Variants in FGF13 observed in about 807,000 individuals in gnomAD.
FGF13 encodes the protein fibroblast growth factor homologous factor 2.
In FGF13, 2 loss-of-function variants were observed where a neutral mutation model predicts 19.5. That is an observed-to-expected ratio of 0.10 (90% CI 0.04 to 0.32). The LOEUF (loss-of-function observed/expected upper bound fraction) is 0.32, where lower values mean the gene tolerates loss of function less well. FGF13 is among the 10% of genes least tolerant of loss of function. The probability of loss-of-function intolerance (pLI) is 1.00; values close to 1 mark genes in which losing one functional copy is unlikely to be tolerated. For synonymous variants in FGF13, 72 were observed against 76.9 expected, an observed-to-expected ratio of 0.94 and a Z score of 0.33; for missense variants, 113 against 192.7, an observed-to-expected ratio of 0.59 and a Z score of 2.45.
At chrX:139,002,428 A>G in intron 1 of FGF13, among the ~76,000 whole-genome samples, 2 of 111,707 alleles carry the variant, frequency 1.8e-5, no homozygotes, top group Middle Eastern at 9.3e-3. Flanking sequence ...CGTCAAAAAA[A>G]TAGAAAAGCA....
rs192514490 is a variant in FGF13, at chrX:138,849,288, T to C, written c.217+8224A>G. 5.4e-5 allele frequency among the ~76,000 whole-genome samples: 6 copies of C among 112,065 alleles called. No homozygotes were observed. The East Asian group carries it at 1.4e-3, about 26-fold the overall frequency. ...AAAATCTTTCATATACTCATATGCA[T>C]TGTGACTCTCTAGGAATGGCGTGTA... On this transcript the variant is annotated intron_variant, in intron 3 of 6. Coordinates refer to the FGF13 transcript ENST00000436198.
intron 3 of FGF13, among the ~76,000 whole-genome samples, chrX:138,839,416 G>A (rs2091134849): frequency 1.8e-5 from 2 of 111,733 alleles, no homozygotes; most frequent in African/African-American, 6.5e-5. Context: ...CTATCAAGAT[G>A]ACAGTTTCGG....
At chrX:138,783,803 T>A (rs1184080920) in intron 3 of FGF13, among the ~76,000 whole-genome samples, 3 of 109,896 alleles carry the variant, frequency 2.7e-5, no homozygotes, top group Non-Finnish European at 1.9e-5. Flanking sequence ...GACGCAGCCA[T>A]CCCATTACTG....
rs201140833 is a variant in FGF13, at chrX:138,831,671, C to CT, written c.217+25840dup. Among the ~76,000 whole-genome samples the CT allele has an allele frequency of 6.7e-3, 688 of 103,131 alleles. 11 individuals are homozygous for CT. The highest frequency in any genetic ancestry group is 0.043 in the Admixed American group (412 of 9,509). The allele number at this position is 103,131 out of a possible 115,157, so 89.6% of individuals were successfully genotyped here. The stretch of plus-strand genomic sequence containing the variant: ...TTATTTTTTCCTTGCTATTCCATTT[C>CT]TTTTTTTTTTTAACTTTTATTTTAA... On this transcript the variant is annotated intron_variant, in intron 3 of 6. Transcript: ENST00000436198.
At chrX:138,824,900 C>T (rs1378327502) in intron 3 of FGF13, among the ~76,000 whole-genome samples, 3 of 111,780 alleles carry the variant, frequency 2.7e-5, no homozygotes, top group East Asian at 2.8e-4. Flanking sequence ...TCAATTCGTG[C>T]GTAAGAACAA....
intron 3 of FGF13, among the ~76,000 whole-genome samples, chrX:138,798,759 T>A (rs764585948): frequency 8.9e-6 from 1 of 112,184 alleles, no homozygotes; most frequent in East Asian, 2.8e-4. Flanking sequence ...TATTGGTCTA[T>A]TCAGGGATTC....
In FGF13 at chrX:138,891,555, G is replaced by A. The variant is rs1366128691; in HGVS notation, c.-112-26905C>T. ...CCTAACACCTTCACGTTAGAGGTTA[G>A]GACCTCAATGCATGAAATGTATGAA... is the stretch of plus-strand genomic sequence containing the variant. On this transcript the variant is annotated intron_variant, in intron 1 of 2. Transcript: ENST00000421460. 3.6e-5 allele frequency among the ~76,000 whole-genome samples: 4 copies of A among 111,581 alleles called. No individual in the cohort carries two copies. In the Admixed American group the frequency reaches 3.8e-4, roughly 11 times the overall value.
chrX:139,176,522 T>C (rs1327979416), intron 1 of FGF13, among the ~76,000 whole-genome samples: 1 of 111,131 alleles, frequency 9.0e-6, no homozygotes, highest in Non-Finnish European at 1.9e-5. Context: ...GTGTCTATTT[T>C]AGATCTTTCC....
rs985514786 is a variant in FGF13 at position 138,650,382 on chromosome X, T to C, written c.403-14727A>G. Among the ~76,000 whole-genome samples the C allele has an allele frequency of 5.4e-5, 6 of 112,091 alleles. No individual in the cohort carries two copies. The Admixed American group carries it at 5.7e-4, about 11-fold the overall frequency. The stretch of plus-strand genomic sequence containing the variant: ...CTAGAGCAAGGAACAGATTAAAATT[T>C]AAATAACTTTTGTTGAAACCTAAAA... On this transcript the variant is annotated intron_variant, in intron 3 of 4. Transcript: ENST00000315930.
At chrX:138,729,716 A>AAACG in intron 1 of FGF13, among the ~76,000 whole-genome samples, 1 of 111,109 alleles carries the variant, frequency 9.0e-6, no homozygotes, top group Admixed American at 9.6e-5. Context: ...ACAAACAAAC[A>AAACG]AAAAACATCT....
chrX:138,985,755 A>G (rs1195621508), intron 1 of FGF13, among the ~76,000 whole-genome samples: 1 of 112,397 alleles, frequency 8.9e-6, no homozygotes, highest in African/African-American at 3.2e-5. Flanking sequence ...TTGTTAGAAA[A>G]TAAGTAAATA....
chrX:138,811,049 G>A (rs1473718302), intron 3 of FGF13, among the ~76,000 whole-genome samples: 1 of 112,052 alleles, frequency 8.9e-6, no homozygotes, highest in Non-Finnish European at 1.9e-5. Flanking sequence ...ATTCCTTAAG[G>A]ATCTAGAACT....
intron 1 of FGF13, among the ~76,000 whole-genome samples, chrX:139,123,306 G>A (rs1214207719): frequency 1.1e-4 from 12 of 111,497 alleles, no homozygotes; most frequent in African/African-American, 2.9e-4. Flanking sequence ...AAATGCTCGC[G>A]TTCTTACCAT....
intron 1 of FGF13, among the ~76,000 whole-genome samples, chrX:138,934,833 TA>T (rs2091723245): frequency 9.0e-6 from 1 of 111,048 alleles, no homozygotes; most frequent in South Asian, 3.8e-4. Flanking sequence ...TCATTAGCCA[TA>T]TATCCAGGAT....
At chrX:138,868,500 A>T (rs1163271233) in intron 1 of FGF13, among the ~76,000 whole-genome samples, 1 of 111,105 alleles carries the variant, frequency 9.0e-6, no homozygotes, top group Non-Finnish European at 1.9e-5. Flanking sequence ...TACTCATATA[A>T]ACTTTCTTGC....
intron 1 of FGF13, among the ~76,000 whole-genome samples, chrX:138,890,341 A>G (rs2091470573): frequency 8.9e-6 from 1 of 111,803 alleles, no homozygotes; most frequent in African/African-American, 3.3e-5. Context: ...TACAGTGCCG[A>G]GTTACATATA....
intron 1 of FGF13, among the ~76,000 whole-genome samples, chrX:139,074,505 C>T (rs972651036): frequency 1.8e-5 from 2 of 111,932 alleles, no homozygotes; most frequent in Non-Finnish European, 3.8e-5. Flanking sequence ...CTCCTTGATT[C>T]TACCTTAGTC....
At chrX:139,158,094 C>T (rs1447151582) in intron 1 of FGF13, among the ~76,000 whole-genome samples, 1 of 111,894 alleles carries the variant, frequency 8.9e-6, no homozygotes, top group African/African-American at 3.3e-5. Context: ...ATGCCCTTCC[C>T]ATGGTATTCA....
At chrX:138,666,751 A>G (rs547611754) in intron 3 of FGF13, among the ~76,000 whole-genome samples, 3 of 111,257 alleles carry the variant, frequency 2.7e-5, no homozygotes, top group African/African-American at 9.8e-5. Flanking sequence ...TGAACAGAAT[A>G]CAGAAACATA....
Sources: gnomAD v4.1 joint callset for allele counts (sites outside exome capture counted in the v4.1 genomes callset) on GRCh38, gnomAD v4.1.1 for gene constraint, MANE v1.5 for transcripts, NCBI Gene and HGNC (gene_info 2026-07-23, HGNC 2026-07-21) for gene names.